GRID2: variants seen among roughly 807,000 people sequenced by gnomAD.
GRID2 encodes the protein glutamate ionotropic receptor delta type subunit 2.
GRID2 carries 33 observed loss-of-function variants against 114.8 expected under a neutral mutation model. The ratio of observed to expected loss-of-function variants is 0.29; its 90% confidence interval spans 0.22 to 0.38. The LOEUF is 0.38. GRID2 is among the 10% of genes least tolerant of loss of function. GRID2 has a pLI of 1.00. For synonymous variants in GRID2, 505 were observed against 449.9 expected, an observed-to-expected ratio of 1.12 and a Z score of -1.55; for missense variants, 1,184 against 1,257.7, an observed-to-expected ratio of 0.94 and a Z score of 0.89.
rs115786347 is a variant in GRID2, at chr4:92,832,973, G to A, written c.244+242687G>A. Reference sequence around the variant, plus strand: ...AGTCAGTATAAACTGACTTTAAAAGGTATATTGAAAGATATGGTAGATGTT... The same window carrying A: ...AGTCAGTATAAACTGACTTTAAAAGATATATTGAAAGATATGGTAGATGTT... On this transcript the variant is annotated intron_variant, in intron 2 of 15. Coordinates refer to ENST00000282020, the MANE Select transcript of GRID2 (RefSeq NM_001510.4). Among the ~76,000 whole-genome samples the A allele has an allele frequency of 3.8e-3, 584 of 152,198 alleles. 2 individuals are homozygous for A. The highest frequency in any genetic ancestry group is 0.013 in the African/African-American group (555 of 41,522).
chr4:93,715,734 C>T (rs1225029480), intron 14 of GRID2, among the ~76,000 whole-genome samples: 1 of 152,006 alleles, frequency 6.6e-6, no homozygotes, highest in South Asian at 2.1e-4. Context: ...TCTCAACTTG[C>T]CTGTTGCTGG....
At chr4:92,944,690 A>T (rs1751481238) in intron 2 of GRID2, among the ~76,000 whole-genome samples, 1 of 152,204 alleles carries the variant, frequency 6.6e-6, no homozygotes, top group Non-Finnish European at 1.5e-5. Flanking sequence ...CTATTTGGCC[A>T]TCTTCAATAT....
At chr4:93,457,290 A>G (rs892252331) in intron 11 of GRID2, among the ~76,000 whole-genome samples, 1 of 152,112 alleles carries the variant, frequency 6.6e-6, no homozygotes, top group African/African-American at 2.4e-5. Flanking sequence ...AGAGTTAACT[A>G]TGGAAAGTGC....
chr4:92,888,484 A>T (rs935758323), intron 2 of GRID2, among the ~76,000 whole-genome samples: 7 of 152,112 alleles, frequency 4.6e-5, no homozygotes, highest in African/African-American at 1.7e-4. Context: ...TGATTTGCTT[A>T]AAAGTATTAT....
At chr4:93,091,053 C>G (rs182074522) in intron 3 of GRID2, among the ~76,000 whole-genome samples, 1 of 152,260 alleles carries the variant, frequency 6.6e-6, no homozygotes, top group East Asian at 1.9e-4. Context: ...CATTGGAACT[C>G]AGCCATGTTC....
intron 3 of GRID2, among the ~76,000 whole-genome samples, chr4:93,108,023 C>T (rs1241206443): frequency 1.3e-5 from 2 of 152,192 alleles, no homozygotes; most frequent in African/African-American, 4.8e-5. Flanking sequence ...GCTGCAACCA[C>T]AGTGGTCTCC....
chr4:93,484,832 C>T (rs1192522407), intron 11 of GRID2, among the ~76,000 whole-genome samples: 1 of 151,894 alleles, frequency 6.6e-6, no homozygotes, highest in African/African-American at 2.4e-5. Context: ...AGGAGGTATC[C>T]AGTCTACTCT....
intron 8 of GRID2, among the ~76,000 whole-genome samples, chr4:93,338,735 C>G (rs1377117448): frequency 6.6e-6 from 1 of 152,040 alleles, no homozygotes; most frequent in Non-Finnish European, 1.5e-5. Context: ...TTTGATTTAT[C>G]AGTTCTATAC....
At chr4:93,467,755 A>G (rs966915858) in intron 11 of GRID2, among the ~76,000 whole-genome samples, 3 of 152,170 alleles carry the variant, frequency 2.0e-5, no homozygotes, top group Non-Finnish European at 2.9e-5. Context: ...CATCTTATTT[A>G]TCTTTCTCTT....
chr4:92,797,880 T>A (rs1739968694), intron 2 of GRID2, among the ~76,000 whole-genome samples: 2 of 151,984 alleles, frequency 1.3e-5, no homozygotes, highest in African/African-American at 2.4e-5. Context: ...ACTAATCACC[T>A]ACACTTACAT....
At chr4:93,408,356 A>C (rs970854520) in intron 9 of GRID2, among the ~76,000 whole-genome samples, 2 of 141,928 alleles carry the variant, frequency 1.4e-5, no homozygotes, top group African/African-American at 5.0e-5. Flanking sequence ...AATAAATAGG[A>C]CTAATGCTCA....
chr4:93,401,187 T>C (rs2149338510), intron 9 of GRID2, among the ~76,000 whole-genome samples: 1 of 150,734 alleles, frequency 6.6e-6, no homozygotes, highest in East Asian at 1.9e-4. Flanking sequence ...TGCAGTGCAG[T>C]TGTTCTCCAT....
At chr4:93,446,766 A>G (rs1190318333) in intron 10 of GRID2, among the ~76,000 whole-genome samples, 2 of 152,062 alleles carry the variant, frequency 1.3e-5, no homozygotes, top group African/African-American at 2.4e-5. Flanking sequence ...GTGGTTGAAC[A>G]TAACCACATC....
At chr4:92,410,279 T>G (rs1420108139) in intron 1 of GRID2, among the ~76,000 whole-genome samples, 1 of 152,202 alleles carries the variant, frequency 6.6e-6, no homozygotes, top group African/African-American at 2.4e-5. Flanking sequence ...AGATGTTTCG[T>G]GTTACACTAC....
At chr4:93,768,946 G>T (rs1209534968) in intron 14 of GRID2, among the ~76,000 whole-genome samples, 1 of 142,554 alleles carries the variant, frequency 7.0e-6, no homozygotes, top group Non-Finnish European at 1.5e-5. Flanking sequence ...AGAAGAAGAA[G>T]AATAGGAAGA....
chr4:93,677,844 A>G (rs1258512254), intron 14 of GRID2, among the ~76,000 whole-genome samples: 2 of 152,194 alleles, frequency 1.3e-5, no homozygotes, highest in Non-Finnish European at 2.9e-5. Context: ...AACAAAGCAG[A>G]AAAACTAGAA....
chr4:92,998,777 C>G (rs1755358923), intron 2 of GRID2, among the ~76,000 whole-genome samples: 1 of 150,890 alleles, frequency 6.6e-6, no homozygotes, highest in Non-Finnish European at 1.5e-5. Context: ...AATAAGCTCA[C>G]TTTTTAAAAA....
rs993203377 is a variant in GRID2 at position 93,773,407 on chromosome 4, G to T, written c.*909G>T. On this transcript the variant is annotated 3_prime_UTR_variant, in exon 16 of 16. Coordinates refer to ENST00000282020, the MANE Select transcript of GRID2 (RefSeq NM_001510.4). ...CTTTAATGTTATTCTGACTCGCATT[G>T]TTTGCCAACAGAAAATATTTTATAC... is the stretch of plus-strand genomic sequence containing the variant. 1 of 152,082 alleles carries T rather than the reference G, an allele frequency of 6.6e-6. No individual in the cohort carries two copies. The highest frequency in any genetic ancestry group is 1.5e-5 in the Non-Finnish European group (1 of 67,968). The allele number at this position is 152,082 out of a possible 1,614,324, so 9.4% of individuals were successfully genotyped here.
chr4:92,796,505 A>C lies in GRID2; in HGVS notation c.244+206219A>C, dbSNP rs543643038. On this transcript the variant is annotated intron_variant, in intron 2 of 15. Coordinates refer to ENST00000282020, the MANE Select transcript of GRID2 (RefSeq NM_001510.4). The stretch of plus-strand genomic sequence containing the variant: ...TATAGGTAGGGCAATCCTGATCATA[A>C]ACCCAACTTTATTTGTACATAACAG... Among the ~76,000 whole-genome samples the C allele has an allele frequency of 6.6e-5, 10 of 151,986 alleles. No individual in the cohort carries two copies. The East Asian group carries it at 2.0e-3, about 30-fold the overall frequency.
Sources: allele counts gnomAD v4.1 joint callset (sites outside exome capture counted in the v4.1 genomes callset), GRCh38; gene constraint gnomAD v4.1.1; transcripts MANE v1.5; gene names NCBI Gene and HGNC (gene_info 2026-07-23, HGNC 2026-07-21).